NID1: variants seen among roughly 807,000 people sequenced by gnomAD.
The protein encoded by NID1 is nidogen-1.
Under a neutral mutation model 130.6 loss-of-function variants are expected in NID1, and 76 were observed. That is an observed-to-expected ratio of 0.58 (90% CI 0.48 to 0.70). NID1 has a LOEUF of 0.70. Among genes scored for constraint, NID1 ranks in the 30% least tolerant of loss-of-function variants. The pLI, the probability that NID1 is intolerant of heterozygous loss-of-function variation, is 0.00. For missense variants in NID1, 1,517 were observed against 1,664.8 expected (o/e 0.91, Z 1.54); for synonymous variants, 665 against 675.1 (o/e 0.98, Z 0.23).
chr1:236,031,119 TTTTTTTC>T (rs1489196162), intron 6 of NID1, among the ~76,000 whole-genome samples: 1 of 151,286 alleles, frequency 6.6e-6, no homozygotes, highest in Non-Finnish European at 1.5e-5. Flanking sequence ...TCTTTTTTTC[TTTTTTTC>T]TTTTTTTTTT....
intron 12 of NID1, among the ~76,000 whole-genome samples, chr1:235,996,841 C>T (rs4660140): frequency 0.47 from 71,221 of 151,388 alleles, 19,145 homozygotes; most frequent in Non-Finnish European, 0.6. Flanking sequence ...GACTCCTGTG[C>T]TTTTTTTTCT....
intron 14 of NID1, among the ~76,000 whole-genome samples, chr1:235,987,870 C>G (rs1367314041): frequency 6.6e-6 from 1 of 152,106 alleles, no homozygotes; most frequent in Non-Finnish European, 1.5e-5. Flanking sequence ...TGACCCTTAC[C>G]TCACACCACA....
chr1:236,064,611 G>T (rs1660137023), intron 1 of NID1: 1 of 512,656 alleles, frequency 2.0e-6, no homozygotes, highest in South Asian at 2.0e-5. Context: ...ATGGGTGCCG[G>T]GGTCACGGCC....
At chr1:236,039,002 AAT>A (rs1219786204) in intron 4 of NID1, among the ~76,000 whole-genome samples, 2 of 108,028 alleles carry the variant, frequency 1.9e-5, no homozygotes, top group Admixed American at 1.1e-4. Flanking sequence ...CATATATGTA[AAT>A]ATATAATATA....
At chr1:236,045,392 A>G in intron 3 of NID1, 65 bp downstream of exon 3, 1 of 1,175,978 alleles carries the variant, frequency 8.5e-7, no homozygotes, top group Non-Finnish European at 1.3e-6. Flanking sequence ...TCTATAATAC[A>G]CATTACATTA....
In NID1 at chr1:236,038,132, C is replaced by G. The variant is rs372840795; in HGVS notation, c.1257G>C (p.Thr419=). The change falls in exon 5 of 20, where the codon ACG becomes ACC. Residue 419 remains threonine, a synonymous_variant. Transcript: ENST00000264187. Reference sequence around the variant, plus strand: ...CTGCAACACATTGCCTGCCATTGCCCGTATAGCCAGCGACACAGCTGCAGC... The same window carrying G: ...CTGCAACACATTGCCTGCCATTGCCGGTATAGCCAGCGACACAGCTGCAGC... ...GFCCSCVAGY[T]GNGRQCVAEG... 3 of 1,606,292 alleles carry G rather than the reference C, an allele frequency of 1.9e-6. No homozygotes were observed. Among genetic ancestry groups the G allele is most frequent in the South Asian group, 1.1e-5 (1 of 90,578 alleles).
rs751392130 is a variant in NID1, at chr1:235,985,383, T to A, written c.3051A>T (p.Arg1017Ser). ...AAATGATATTTGCTTACTTACCTTG[T>A]CTAATGATGGTGGTTGGCTCTCCAC... is the stretch of plus-strand genomic sequence containing the variant. ...LHGGEPTTII[R>S]QDLGSPEGIA... is the part of the protein sequence containing the mutation. The change falls in exon 15 of 20, where the codon AGA (arginine) becomes AGT (serine). Residue 1017 changes from arginine (R) to serine (S), a missense_variant. By Grantham distance (110) the Arg-to-Ser change is moderately radical. This residue lies in a region of NID1 where 1,329 missense variants were observed against 1,429.2 expected (regional missense o/e 0.93). Transcript: ENST00000264187. 16 of 1,613,992 alleles carry A rather than the reference T, an allele frequency of 9.9e-6. No homozygotes were observed. The East Asian group carries it at 2.9e-4, about 29-fold the overall frequency.
At chr1:236,052,264 C>T (rs1457128276) in intron 1 of NID1, among the ~76,000 whole-genome samples, 1 of 152,224 alleles carries the variant, frequency 6.6e-6, no homozygotes, top group Non-Finnish European at 1.5e-5. Context: ...TCCTATCAGC[C>T]TTGTTCCTTT....
At chr1:235,980,896 T>C (rs1657419306) in intron 16 of NID1, among the ~76,000 whole-genome samples, 1 of 152,198 alleles carries the variant, frequency 6.6e-6, no homozygotes, top group South Asian at 2.1e-4. Flanking sequence ...ATAACTGACA[T>C]ATAATATCTC....
chr1:236,011,422 C>A (rs1278522347), intron 12 of NID1, among the ~76,000 whole-genome samples: 2 of 151,506 alleles, frequency 1.3e-5, no homozygotes, highest in African/African-American at 4.9e-5. Flanking sequence ...CATGCCTCAG[C>A]CTCCGTAGTA....
rs545807277 is a variant in NID1, at chr1:236,057,286, A to G, written c.225+7569T>C. 2.0e-5 allele frequency among the ~76,000 whole-genome samples: 3 copies of G among 152,276 alleles called. No homozygotes were observed. The South Asian group carries it at 6.2e-4, about 32-fold the overall frequency. ...AAAAGTACATGGATTATGGGATCGCACTTTAGTTTTTATGAATGTTGGTGA... is the reference window on the plus strand; with the variant it reads ...AAAAGTACATGGATTATGGGATCGCGCTTTAGTTTTTATGAATGTTGGTGA... On this transcript the variant is annotated intron_variant, in intron 1 of 19. Transcript: ENST00000264187.
chr1:236,020,348 C>A (rs1350323599), intron 9 of NID1, among the ~76,000 whole-genome samples: 1 of 152,130 alleles, frequency 6.6e-6, no homozygotes, highest in Non-Finnish European at 1.5e-5. Context: ...CTCTAAGTTT[C>A]TCCAATTTTT....
At chr1:236,025,821 C>T in intron 8 of NID1, 75 bp downstream of exon 8, 1 of 1,558,830 alleles carries the variant, frequency 6.4e-7, no homozygotes, top group Non-Finnish European at 8.7e-7. Flanking sequence ...GAGTAAGAGA[C>T]CAAAAACAAT....
At chr1:236,014,219 A>G (rs61833488) in intron 10 of NID1, among the ~76,000 whole-genome samples, 1 of 79,708 alleles carries the variant, frequency 1.3e-5, no homozygotes, top group Non-Finnish European at 2.9e-5. Flanking sequence ...CCACCCCCTC[A>G]ACTCTCTCTC....
intron 12 of NID1, among the ~76,000 whole-genome samples, chr1:235,998,054 C>T (rs573833971): frequency 6.6e-6 from 1 of 152,172 alleles, no homozygotes; most frequent in Non-Finnish European, 1.5e-5. Flanking sequence ...AGACAAGGCA[C>T]ACAGAGACAT....
intron 12 of NID1, among the ~76,000 whole-genome samples, chr1:235,996,348 A>T (rs912483560): frequency 6.6e-6 from 1 of 152,186 alleles, no homozygotes; most frequent in African/African-American, 2.4e-5. Flanking sequence ...CACAGAAGAG[A>T]CCGTCCACAA....
chr1:236,030,937 G>A (rs1294191467), intron 6 of NID1, among the ~76,000 whole-genome samples: 3 of 152,184 alleles, frequency 2.0e-5, no homozygotes, highest in Admixed American at 6.5e-5. Context: ...CAGGGAAGGA[G>A]TGGGGTCTGT....
intron 1 of NID1, among the ~76,000 whole-genome samples, chr1:236,056,563 A>G (rs942543324): frequency 5.9e-5 from 9 of 152,238 alleles, no homozygotes; most frequent in Non-Finnish European, 1.0e-4. Flanking sequence ...CTACTCTGCT[A>G]CCAAACACTA....
intron 5 of NID1, among the ~76,000 whole-genome samples, chr1:236,033,449 C>T (rs1659158339): frequency 6.6e-6 from 1 of 152,170 alleles, no homozygotes; most frequent in East Asian, 1.9e-4. Context: ...AGCTCATATA[C>T]AGTCCCACCA....
Sources: allele counts gnomAD v4.1 joint callset (sites outside exome capture counted in the v4.1 genomes callset), GRCh38; gene constraint gnomAD v4.1.1; regional missense constraint gnomAD v4.1.1; transcripts MANE v1.5; gene names NCBI Gene and HGNC (gene_info 2026-07-23, HGNC 2026-07-21).